RABGAP1: variants seen among roughly 807,000 people sequenced by gnomAD.
RABGAP1 encodes the protein RAB GTPase activating protein 1.
Under a neutral mutation model 137.6 loss-of-function variants are expected in RABGAP1, and 23 were observed. That is an observed-to-expected ratio of 0.17 (90% CI 0.12 to 0.24). RABGAP1 has a LOEUF of 0.24. RABGAP1 is among the 10% of genes least tolerant of loss of function. RABGAP1 has a pLI of 1.00. For missense variants in RABGAP1, 906 were observed against 1,275.8 expected, an observed-to-expected ratio of 0.71 and a Z score of 4.42; for synonymous variants, 451 against 450.7, an observed-to-expected ratio of 1.00 and a Z score of -0.01.
intron 13 of RABGAP1, chr9:123,063,052 G>A (rs1175015022): frequency 6.6e-6 from 1 of 152,184 alleles, no homozygotes; most frequent in African/African-American, 2.4e-5. Context: ...GCCTCTGAAA[G>A]TGCTGGGATT....
intron 2 of RABGAP1, among the ~76,000 whole-genome samples, chr9:122,974,403 A>G (rs1194658092): frequency 6.9e-6 from 1 of 144,724 alleles, no homozygotes; most frequent in African/African-American, 2.5e-5. Flanking sequence ...CCCAAGATGG[A>G]AATGGCTTTG....
chr9:123,030,419 A>T (rs912214033), intron 13 of RABGAP1, among the ~76,000 whole-genome samples: 1 of 152,216 alleles, frequency 6.6e-6, no homozygotes, highest in African/African-American at 2.4e-5. Context: ...ATGTTATCCC[A>T]CCATCCAATA....
chr9:123,007,992 A>G (rs999519848), intron 10 of RABGAP1, among the ~76,000 whole-genome samples: 9 of 150,374 alleles, frequency 6.0e-5, no homozygotes, highest in Non-Finnish European at 1.2e-4. Flanking sequence ...TTAATATATA[A>G]AAGTTTTATA....
the RABGAP1 span, among the ~76,000 whole-genome samples, chr9:122,935,414 T>G: frequency 6.6e-6 from 1 of 152,156 alleles, no homozygotes; most frequent in East Asian, 1.9e-4. Flanking sequence ...CTCAGCTCAC[T>G]GCAACCTCTG....
chr9:123,100,086 G>A (rs1045839303), intron 24 of RABGAP1, among the ~76,000 whole-genome samples: 3 of 152,166 alleles, frequency 2.0e-5, no homozygotes, highest in African/African-American at 4.8e-5. Flanking sequence ...AGCCTGAGCT[G>A]CTGGACTCCA....
chr9:122,949,678 A>G (rs939006414), intron 1 of RABGAP1, among the ~76,000 whole-genome samples: 40 of 149,646 alleles, frequency 2.7e-4, no homozygotes, highest in African/African-American at 7.4e-4. Context: ...TGGGTGACAA[A>G]GCAAGACTCT....
chr9:122,955,595 G>C (rs942302866), intron 1 of RABGAP1, among the ~76,000 whole-genome samples: 1 of 152,022 alleles, frequency 6.6e-6, no homozygotes, highest in Non-Finnish European at 1.5e-5. Context: ...TTCTCTTGGG[G>C]TTGCCATTTC....
intron 13 of RABGAP1, among the ~76,000 whole-genome samples, chr9:123,055,537 TTTC>T (rs1362155331): frequency 3.3e-4 from 50 of 150,998 alleles, no homozygotes; most frequent in Middle Eastern, 3.4e-3. Flanking sequence ...CAGCCAGATA[TTTC>T]TTCTTCTTTT....
intron 13 of RABGAP1, among the ~76,000 whole-genome samples, chr9:123,059,696 A>G (rs908055036): frequency 5.3e-5 from 8 of 152,254 alleles, no homozygotes; most frequent in African/African-American, 1.9e-4. Context: ...TAAAGAAGAG[A>G]CCTAGAGAGC....
At chr9:122,970,511 A>G (rs1256235006) in intron 2 of RABGAP1, among the ~76,000 whole-genome samples, 1 of 152,190 alleles carries the variant, frequency 6.6e-6, no homozygotes, top group Non-Finnish European at 1.5e-5. Flanking sequence ...TTTGTTACAA[A>G]TGTATATTAC....
At chr9:122,973,694 G>A (rs1182911997) in intron 2 of RABGAP1, among the ~76,000 whole-genome samples, 1 of 152,024 alleles carries the variant, frequency 6.6e-6, no homozygotes, top group Non-Finnish European at 1.5e-5. Flanking sequence ...TTCTGATTTG[G>A]TTTCTGATAC....
Position 122,957,190 on chromosome 9 carries a change from A to G in RABGAP1, c.131A>G (p.Asp44Gly), listed in dbSNP as rs760230432. 6 of 1,544,544 alleles carry G rather than the reference A, an allele frequency of 3.9e-6. No homozygotes were observed. The highest frequency in any genetic ancestry group is 1.3e-5 in the African/African-American group (1 of 74,324). ...CCATCTACAAATAATGGAAGTGATG[A>G]TGAGAAAACAGGACTCAAGGTAAAA... ...ETPSTNNGSD[D>G]EKTGLKIVGN... The change falls in exon 2 of 26, where the codon GAT becomes GGT. Residue 44 changes from aspartate (D) to glycine (G), a missense_variant. Around this residue, in one of 9 missense-constraint regions of RABGAP1, gnomAD observed 331 missense variants for 358.3 expected, o/e 0.92. Coordinates refer to ENST00000373647, the MANE Select transcript of RABGAP1 (RefSeq NM_012197.4).
intron 13 of RABGAP1, among the ~76,000 whole-genome samples, chr9:123,051,072 G>A (rs1371572803): frequency 2.0e-5 from 3 of 148,620 alleles, no homozygotes; most frequent in Non-Finnish European, 4.5e-5. Context: ...GGTCAGCCTT[G>A]AAGAAAAAAA....
At chr9:123,079,555 A>G (rs1457290797) in intron 19 of RABGAP1, among the ~76,000 whole-genome samples, 2 of 151,708 alleles carry the variant, frequency 1.3e-5, no homozygotes. Context: ...TCTTGTTTAA[A>G]TTTTTGTTGT....
rs1834837553 is a variant in RABGAP1 at position 122,961,259 on chromosome 9, TGA to T, written c.150+4056_150+4057del. On this transcript the variant is annotated intron_variant, in intron 2 of 25. Transcript: ENST00000373647. The stretch of plus-strand genomic sequence containing the variant: ...ATGCTAAAAGACAAGGAAAAAATCT[TGA>T]GAGAGCAGCAAGAGATAACTGACTC... 2.0e-5 allele frequency among the ~76,000 whole-genome samples: 3 copies of T among 152,270 alleles called. No individual in the cohort carries two copies. The South Asian group carries it at 6.2e-4, about 32-fold the overall frequency.
rs72753262 is a variant in RABGAP1 at position 122,975,378 on chromosome 9, A to G, written c.151-9107A>G. 5.1e-3 allele frequency among the ~76,000 whole-genome samples: 779 copies of G among 152,346 alleles called. 6 individuals are homozygous for G. The highest frequency in any genetic ancestry group is 8.4e-3 in the Non-Finnish European group (574 of 68,034). On this transcript the variant is annotated intron_variant, in intron 2 of 25. Transcript: ENST00000373647. ...AGAAGTAGAAAATTGAGACCAGGAA[A>G]TGACTCTGGATTTTGCCTTTGGAAC...
At chr9:123,083,150 T>A (rs2034765527) in intron 19 of RABGAP1, among the ~76,000 whole-genome samples, 1 of 152,226 alleles carries the variant, frequency 6.6e-6, no homozygotes, top group Non-Finnish European at 1.5e-5. Flanking sequence ...TGGGATTAGA[T>A]CCCAAGAGTT....
At chr9:123,035,298 C>T (rs1447834384) in intron 13 of RABGAP1, 1 of 1,614,170 alleles carries the variant, frequency 6.2e-7, no homozygotes, top group African/African-American at 1.3e-5. Context: ...AAGTGCAGGC[C>T]TGTCCTGATA....
At chr9:123,077,830 AAAT>A (rs1375385100) in intron 19 of RABGAP1, among the ~76,000 whole-genome samples, 1 of 151,996 alleles carries the variant, frequency 6.6e-6, no homozygotes, top group Non-Finnish European at 1.5e-5. Context: ...TGCTTTTGTA[AAAT>A]AATATTTTAC....
Sources: gnomAD v4.1 joint callset for allele counts (sites outside exome capture counted in the v4.1 genomes callset) on GRCh38, gnomAD v4.1.1 for gene constraint, gnomAD v4.1.1 regional missense constraint, MANE v1.5 for transcripts, NCBI Gene and HGNC (gene_info 2026-07-23, HGNC 2026-07-21) for gene names.